The following ANPEP variants were observed in gnomAD, a reference collection of about 807,000 sequenced individuals.
ANPEP encodes alanyl aminopeptidase, membrane, also known as aminopeptidase N.
A neutral mutation model predicts 114.6 loss-of-function variants in ANPEP; 70 were observed. The observed-to-expected ratio is 0.61, with a 90% confidence interval of 0.50 to 0.75. The LOEUF is 0.75. ANPEP is among the 30% of genes least tolerant of loss of function. The pLI is 0.00. For synonymous variants in ANPEP, 548 were observed against 522.3 expected (o/e 1.05, Z -0.67); for missense variants, 1,184 against 1,259.5 (o/e 0.94, Z 0.91).
At chr15:89,804,040 G>T in intron 6 of ANPEP, 38 bp from the exon 7 acceptor site, 2 of 1,606,264 alleles carry the variant, frequency 1.2e-6, no homozygotes, top group South Asian at 2.2e-5. Context: ...GCCACGCCCA[G>T]GCTGGGCACT....
chr15:89,789,329 CT>C (rs919894322), intron 20 of ANPEP, among the ~76,000 whole-genome samples: 18 of 152,086 alleles, frequency 1.2e-4, no homozygotes, highest in African/African-American at 3.9e-4. Flanking sequence ...TCCAAGTTGA[CT>C]TTGTCAAGCT....
At chr15:89,811,796 A>G (rs66740215) in intron 1 of ANPEP, among the ~76,000 whole-genome samples, 39,518 of 152,084 alleles carry the variant, frequency 0.26, 5,394 homozygotes, top group African/African-American at 0.34. Flanking sequence ...TCTTTGGTGC[A>G]GGCTCTTTCT....
intron 16 of ANPEP, 40 bp from the exon 17 acceptor site, chr15:89,792,602 C>T: frequency 6.4e-7 from 1 of 1,572,062 alleles, no homozygotes; most frequent in Non-Finnish European, 8.7e-7. Context: ...ACCTGGCGAA[C>T]TCCAGCCAAG....
chr15:89,786,571 T>G (rs1191800350), intron 20 of ANPEP, among the ~76,000 whole-genome samples: 2 of 152,024 alleles, frequency 1.3e-5, no homozygotes, highest in Admixed American at 6.6e-5. Flanking sequence ...CATGTGCCTA[T>G]AGTCCCAACT....
At chr15:89,810,378 CAAAA>C (rs1168317939) in intron 1 of ANPEP, among the ~76,000 whole-genome samples, 4 of 126,584 alleles carry the variant, frequency 3.2e-5, no homozygotes, top group African/African-American at 5.9e-5. Flanking sequence ...GACTCTGTCT[CAAAA>C]AATAAATAAA....
chr15:89,806,204 A>T lies in ANPEP; in HGVS notation c.380T>A (p.Leu127His). The T allele has an allele frequency of 7.4e-6, 12 of 1,613,866 alleles. No homozygotes were observed. Among genetic ancestry groups the T allele is most frequent in the Non-Finnish European group, 1.0e-5 (12 of 1,179,948 alleles). ...GTGCCCCTGGCTGAGGGTGTAGTTG[A>T]GCTTCTTGCTGTGGATGATGATGAC... ...TDVIIIHSKK[L>H]NYTLSQGHRV... The change falls in exon 2 of 21, where the codon CTC becomes CAC. Residue 127 changes from leucine (L) to histidine (H), a missense_variant. Leu to His is a moderately conservative substitution (Grantham distance 99, BLOSUM62 -3). Transcript: ENST00000300060. This position sits in a 1 kb window ranked among gnomAD's most constrained non-coding sequence, Gnocchi z 5.7.
chr15:89,807,316 T>C (rs1246204071), intron 1 of ANPEP, among the ~76,000 whole-genome samples: 1 of 152,244 alleles, frequency 6.6e-6, no homozygotes, highest in African/African-American at 2.4e-5. Flanking sequence ...TGAACCTCTC[T>C]CCTCATAAAT....
chr15:89,806,311 C>CG lies in ANPEP; in HGVS notation c.272dup (p.Tyr92ValfsTer6). On this transcript the variant is annotated frameshift_variant, in exon 2 of 21. Coordinates refer to ENST00000300060, the MANE Select transcript of ANPEP (RefSeq NM_001150.3). LOFTEE classifies it high-confidence loss of function. The surrounding 1 kb of genome is among the most constrained non-coding windows in gnomAD (Gnocchi z 5.7). Reference sequence around the variant, plus strand: ...GGCCCCTGTCATTGGGGGTGAGGTACGGTCTCAGCGTCACCCGGTAGGAAT... The same window carrying CG: ...GGCCCCTGTCATTGGGGGTGAGGTACGGGTCTCAGCGTCACCCGGTAGGAAT... 6.2e-7 allele frequency: 1 copy of CG among 1,614,132 alleles called. No individual in the cohort carries two copies. Among genetic ancestry groups the CG allele is most frequent in the Non-Finnish European group, 8.5e-7 (1 of 1,180,022 alleles).
rs968945093 is a variant in ANPEP, at chr15:89,792,336, G to A, written c.2361-9C>T. The A allele has an allele frequency of 1.2e-6, 2 of 1,613,958 alleles. No homozygotes were observed. Among genetic ancestry groups the A allele is most frequent in the African/African-American group, 2.7e-5 (2 of 74,932 alleles). On this transcript the variant is annotated splice_polypyrimidine_tract_variant and intron_variant, in intron 17 of 20. Coordinates refer to ENST00000300060, the MANE Select transcript of ANPEP (RefSeq NM_001150.3). The stretch of plus-strand genomic sequence containing the variant: ...GCAGGTTGGGGTGGATCCTGGTGTG[G>A]GGTAGGGAGGTCAGGTGTGGAACAG...
Position 89,792,148 on chromosome 15 carries a change from G to A in ANPEP, c.2528+12C>T, listed in dbSNP as rs8179197. On this transcript the variant is annotated intron_variant, in intron 18 of 20. Transcript: ENST00000300060. The stretch of plus-strand genomic sequence containing the variant: ...GAGGGCTCTCGCAGTCCCACCCTGC[G>A]CCAAGACTCACCTGTTCAGGATCCA... 1.4e-5 allele frequency: 22 copies of A among 1,611,032 alleles called. No individual in the cohort carries two copies. The highest frequency in any genetic ancestry group is 1.7e-4 in the Middle Eastern group (1 of 6,040).
At chr15:89,795,411 A>C (rs966439744) in intron 15 of ANPEP, among the ~76,000 whole-genome samples, 2 of 152,176 alleles carry the variant, frequency 1.3e-5, no homozygotes, top group African/African-American at 4.8e-5. Context: ...AGTTTAAAGA[A>C]GCAATACAAA....
intron 18 of ANPEP, among the ~76,000 whole-genome samples, chr15:89,791,687 A>G (rs1411699987): frequency 1.3e-5 from 2 of 150,430 alleles, no homozygotes; most frequent in Non-Finnish European, 2.9e-5. Context: ...TCCTGACCTC[A>G]GGTGATCCAT....
intron 15 of ANPEP, among the ~76,000 whole-genome samples, chr15:89,796,776 T>C (rs1282423669): frequency 6.6e-6 from 1 of 152,176 alleles, no homozygotes; most frequent in Admixed American, 6.5e-5. Context: ...ATTACAGGCA[T>C]GAGCCCCACT....
rs749298920 is a variant in ANPEP at position 89,792,524 on chromosome 15, T to C, written c.2288A>G (p.Asn763Ser). ...CATCTCCTCACACTCTGGAACTCCG[T>C]TGGAGCAGGCGGTGCTGATGGCATT... is the stretch of plus-strand genomic sequence containing the variant. ...EVNAISTACS[N>S]GVPECEEMVS... The change falls in exon 17 of 21, where the codon AAC (asparagine) becomes AGC (serine). Residue 763 changes from asparagine to serine, a missense_variant. Asn to Ser is a conservative substitution (Grantham distance 46). Coordinates refer to ENST00000300060, the MANE Select transcript of ANPEP (RefSeq NM_001150.3). The C allele has an allele frequency of 2.5e-6, 4 of 1,614,056 alleles. No homozygotes were observed. The highest frequency in any genetic ancestry group is 2.7e-5 in the African/African-American group (2 of 74,926).
chr15:89,793,259 G>A, intron 15 of ANPEP, 133 bp from the exon 16 acceptor site: 1 of 682,372 alleles, frequency 1.5e-6, no homozygotes, highest in Non-Finnish European at 2.5e-6. Context: ...AGGCCAAACA[G>A]TGCTCAAAGG....
intron 15 of ANPEP, among the ~76,000 whole-genome samples, chr15:89,793,992 G>A (rs887492035): frequency 1.3e-5 from 2 of 152,108 alleles, no homozygotes; most frequent in East Asian, 1.9e-4. Context: ...CTGGATCCAC[G>A]TCCAAATGTA....
rs1894528075 is a variant in ANPEP at position 89,798,902 on chromosome 15, G to A, written c.2009+358C>T. 2.0e-5 allele frequency among the ~76,000 whole-genome samples: 3 copies of A among 152,208 alleles called. No homozygotes were observed. The South Asian group carries it at 6.2e-4, about 31-fold the overall frequency. ...TGCAGTGAGCTGAGATCGCGCCACTGTACTCCAACCTGGGCAACAGAGCGA... is the reference window on the plus strand; with the variant it reads ...TGCAGTGAGCTGAGATCGCGCCACTATACTCCAACCTGGGCAACAGAGCGA... On this transcript the variant is annotated intron_variant, in intron 14 of 20. Coordinates refer to ENST00000300060, the MANE Select transcript of ANPEP (RefSeq NM_001150.3).
chr15:89,790,037 T>C (rs1323913701), intron 20 of ANPEP, among the ~76,000 whole-genome samples: 1 of 140,418 alleles, frequency 7.1e-6, no homozygotes, highest in East Asian at 2.0e-4. Flanking sequence ...CCAGCCTGGG[T>C]GACAGAGCAA....
intron 1 of ANPEP, 112 bp downstream of exon 1, chr15:89,814,660 C>T (rs1894875946): frequency 2.6e-5 from 4 of 152,494 alleles, no homozygotes; most frequent in Non-Finnish European, 4.4e-5. Context: ...CCGCAGAAGT[C>T]CAGCTCCGCA....
Sources: allele counts gnomAD v4.1 joint callset (sites outside exome capture counted in the v4.1 genomes callset), GRCh38; gene constraint gnomAD v4.1.1; non-coding constraint Gnocchi (gnomAD v3.1); transcripts MANE v1.5; gene names NCBI Gene and HGNC (gene_info 2026-07-23, HGNC 2026-07-21).